EXOC6B: variants seen among roughly 807,000 people sequenced by gnomAD.
EXOC6B encodes exocyst complex component 6B.
Under a neutral mutation model 113.5 loss-of-function variants are expected in EXOC6B, and 54 were observed. That is an observed-to-expected ratio of 0.48 (90% confidence interval 0.38 to 0.60). The LOEUF (loss-of-function observed/expected upper bound fraction) is 0.60, where lower values mean the gene tolerates loss of function less well. Among genes scored for constraint, EXOC6B ranks in the 20% least tolerant of loss-of-function variants. The pLI is 0.00. For synonymous variants in EXOC6B, 357 were observed against 339.0 expected (o/e 1.05, Z -0.58); for missense variants, 797 against 977.5 (o/e 0.82, Z 2.46).
intron 8 of EXOC6B, among the ~76,000 whole-genome samples, chr2:72,543,537 C>A (rs940800238): frequency 2.0e-5 from 3 of 152,114 alleles, no homozygotes; most frequent in African/African-American, 7.2e-5. Context: ...CAAACACACA[C>A]TCTCTCTTTT....
intron 6 of EXOC6B, among the ~76,000 whole-genome samples, chr2:72,595,282 T>C (rs1037204601): frequency 1.4e-5 from 2 of 146,686 alleles, no homozygotes; most frequent in African/African-American, 5.0e-5. Context: ...TATAGATATA[T>C]AGATATATAT....
chr2:72,566,605 T>C (rs976655559), intron 7 of EXOC6B, among the ~76,000 whole-genome samples: 6 of 152,156 alleles, frequency 3.9e-5, no homozygotes, highest in Non-Finnish European at 5.9e-5. Context: ...ACTGCTAAAC[T>C]GTTTTCCAAA....
intron 20 of EXOC6B, among the ~76,000 whole-genome samples, chr2:72,307,973 C>T (rs905357440): frequency 1.3e-5 from 2 of 152,064 alleles, no homozygotes; most frequent in South Asian, 2.1e-4. Context: ...AAGAAATAAC[C>T]GTCCATCGCA....
At chr2:72,401,264 C>T (rs959475163) in intron 18 of EXOC6B, among the ~76,000 whole-genome samples, 1 of 150,346 alleles carries the variant, frequency 6.7e-6, no homozygotes, top group Non-Finnish European at 1.5e-5. Context: ...GAGTTTAAGA[C>T]CAGCCTGGCC....
At chr2:72,369,773 A>G (rs1475688002) in intron 19 of EXOC6B, among the ~76,000 whole-genome samples, 1 of 152,234 alleles carries the variant, frequency 6.6e-6, no homozygotes, top group Non-Finnish European at 1.5e-5. Context: ...AGGATTCCCT[A>G]TTTAACAAAT....
chr2:72,398,270 G>C (rs763626366), intron 18 of EXOC6B, among the ~76,000 whole-genome samples: 2 of 152,160 alleles, frequency 1.3e-5, no homozygotes, highest in Non-Finnish European at 2.9e-5. Context: ...TAAAGCATCA[G>C]CTCTTCGTGG....
intron 7 of EXOC6B, among the ~76,000 whole-genome samples, chr2:72,574,104 T>G (rs1704678853): frequency 1.1e-5 from 1 of 91,848 alleles, no homozygotes; most frequent in Non-Finnish European, 2.2e-5. Context: ...CGACAGAGAC[T>G]CCATCGCAAA....
intron 17 of EXOC6B, among the ~76,000 whole-genome samples, chr2:72,480,001 G>A (rs866856859): frequency 3.7e-4 from 56 of 152,104 alleles, no homozygotes; most frequent in African/African-American, 1.3e-3. Context: ...CCAGGAATTC[G>A]AGACCAGCCT....
At chr2:72,276,154 G>A (rs1186747536) in intron 20 of EXOC6B, among the ~76,000 whole-genome samples, 3 of 152,096 alleles carry the variant, frequency 2.0e-5, no homozygotes, top group African/African-American at 7.2e-5. Context: ...AGGTGATTCT[G>A]GCTCATGGGA....
chr2:72,230,767 T>A (rs1681569267), intron 20 of EXOC6B, among the ~76,000 whole-genome samples: 1 of 152,176 alleles, frequency 6.6e-6, no homozygotes, highest in South Asian at 2.1e-4. Context: ...AGCAAAGAAC[T>A]ATTAAAGCTA....
chr2:72,289,380 A>G (rs755267699), intron 20 of EXOC6B, among the ~76,000 whole-genome samples: 36 of 152,184 alleles, frequency 2.4e-4, no homozygotes, highest in Non-Finnish European at 1.5e-4. Flanking sequence ...TAAATAGAAT[A>G]CTTTCCCTCT....
intron 8 of EXOC6B, among the ~76,000 whole-genome samples, chr2:72,517,610 T>C (rs1164287643): frequency 6.6e-6 from 1 of 152,200 alleles, no homozygotes; most frequent in Non-Finnish European, 1.5e-5. Context: ...CACAGCATAG[T>C]AGTATTATTA....
chr2:72,211,510 C>G (rs1401047991), intron 20 of EXOC6B, among the ~76,000 whole-genome samples: 2 of 152,126 alleles, frequency 1.3e-5, no homozygotes, highest in African/African-American at 4.8e-5. Context: ...CCTCCATGTA[C>G]CCAAGACAAC....
intron 19 of EXOC6B, among the ~76,000 whole-genome samples, chr2:72,339,563 C>A (rs1688905694): frequency 6.6e-6 from 1 of 152,088 alleles, no homozygotes; most frequent in South Asian, 2.1e-4. Flanking sequence ...ATAGGAGAGC[C>A]TCTGACAGGT....
intron 19 of EXOC6B, among the ~76,000 whole-genome samples, chr2:72,349,038 A>G (rs1372658605): frequency 6.6e-6 from 1 of 152,226 alleles, no homozygotes; most frequent in East Asian, 1.9e-4. Context: ...ACAGAAAATG[A>G]ACATATCATT....
rs375784776 is a variant in EXOC6B at position 72,379,712 on chromosome 2, G to C, written c.2122+17C>G. The C allele has an allele frequency of 6.3e-7, 1 of 1,598,980 alleles. No individual in the cohort carries two copies. The highest frequency in any genetic ancestry group is 8.5e-7 in the Non-Finnish European group (1 of 1,170,686). On this transcript the variant is annotated intron_variant, in intron 19 of 21. Transcript: ENST00000272427. ...TGCTGGTAAGATAAACAAGCACAGG[G>C]ATGGTCACTGTCTTACGTTCACATT... is the stretch of plus-strand genomic sequence containing the variant.
intron 6 of EXOC6B, among the ~76,000 whole-genome samples, chr2:72,633,372 G>A (rs1573523519): frequency 6.6e-6 from 1 of 152,030 alleles, no homozygotes; most frequent in Non-Finnish European, 1.5e-5. Flanking sequence ...GTTGTTGTTG[G>A]AAGAAATTAG....
intron 18 of EXOC6B, among the ~76,000 whole-genome samples, chr2:72,436,173 A>T (rs1015199925): frequency 1.3e-5 from 2 of 152,216 alleles, no homozygotes; most frequent in East Asian, 3.8e-4. Flanking sequence ...GTTTGGCTGG[A>T]TATGAAATTC....
chr2:72,470,005 C>A (rs1340686319), intron 17 of EXOC6B, among the ~76,000 whole-genome samples: 1 of 151,848 alleles, frequency 6.6e-6, no homozygotes, highest in African/African-American at 2.4e-5. Context: ...TACTTCAATC[C>A]CTCATTTATT....
Sources: gnomAD v4.1 joint callset for allele counts (sites outside exome capture counted in the v4.1 genomes callset) on GRCh38, gnomAD v4.1.1 for gene constraint, MANE v1.5 for transcripts, NCBI Gene and HGNC (gene_info 2026-07-23, HGNC 2026-07-21) for gene names.